The following CNTNAP2 variants were observed in gnomAD, a reference collection of about 807,000 sequenced individuals.
CNTNAP2 encodes contactin associated protein 2, also known as contactin-associated protein-like 2.
Under a neutral mutation model 155.2 loss-of-function variants are expected in CNTNAP2, and 98 were observed. The ratio of observed to expected loss-of-function variants is 0.63; its 90% CI spans 0.54 to 0.75. The LOEUF is 0.75. CNTNAP2 is among the 30% of genes least tolerant of loss of function. CNTNAP2 has a pLI of 0.00. For synonymous variants in CNTNAP2, 651 were observed against 631.2 expected, an observed-to-expected ratio of 1.03 and a Z score of -0.47; for missense variants, 1,727 against 1,688.1, an observed-to-expected ratio of 1.02 and a Z score of -0.40.
At chr7:147,872,333 A>G (rs1370415326) in intron 13 of CNTNAP2, among the ~76,000 whole-genome samples, 2 of 152,266 alleles carry the variant, frequency 1.3e-5, no homozygotes, top group Non-Finnish European at 2.9e-5. Flanking sequence ...GGGAAAATAT[A>G]AGCCTAAAAT....
intron 8 of CNTNAP2, among the ~76,000 whole-genome samples, chr7:147,145,708 T>A (rs1322031827): frequency 1.3e-5 from 2 of 152,214 alleles, no homozygotes; most frequent in Non-Finnish European, 2.9e-5. Flanking sequence ...TTGTTATGGT[T>A]TCCTGTTTTC....
chr7:148,011,795 G>A (rs1802086964), intron 15 of CNTNAP2, among the ~76,000 whole-genome samples: 1 of 152,228 alleles, frequency 6.6e-6, no homozygotes, highest in African/African-American at 2.4e-5. Flanking sequence ...ACTCTCAGGA[G>A]AATAGCTCTT....
chr7:146,763,620 A>C (rs1367053018), intron 1 of CNTNAP2, among the ~76,000 whole-genome samples: 3 of 152,198 alleles, frequency 2.0e-5, no homozygotes, highest in African/African-American at 7.2e-5. Flanking sequence ...AATATATGTT[A>C]ATTGAAGAAC....
At chr7:146,443,139 G>A (rs920772080) in intron 1 of CNTNAP2, among the ~76,000 whole-genome samples, 1 of 151,784 alleles carries the variant, frequency 6.6e-6, no homozygotes, top group Non-Finnish European at 1.5e-5. Flanking sequence ...GCGTGAACTC[G>A]GGAGGCGGAG....
chr7:148,124,399 A>AT lies in CNTNAP2; in HGVS notation c.2554+6117dup, dbSNP rs530491898. Among the ~76,000 whole-genome samples, 18 of 152,178 alleles carry AT rather than the reference A, an allele frequency of 1.2e-4. No individual in the cohort carries two copies. The South Asian group carries it at 3.5e-3, about 30-fold the overall frequency. ...CTAACAACCATGGATCTGTCCATGT[A>AT]TTTTTTCAGTTACCCCTAAGGGATT... On this transcript the variant is annotated intron_variant, in intron 16 of 23. Coordinates refer to ENST00000361727, the MANE Select transcript of CNTNAP2 (RefSeq NM_014141.6).
intron 15 of CNTNAP2, among the ~76,000 whole-genome samples, chr7:147,985,147 T>TAAATAAAA (rs1563157954): frequency 1.6e-5 from 2 of 127,138 alleles, no homozygotes; most frequent in South Asian, 2.3e-4. Flanking sequence ...AATAAATAAA[T>TAAATAAAA]AACTATTTAC....
At position 148,352,111 on chromosome 7, in the gene CNTNAP2, T is replaced by C. The variant is rs528079406; in HGVS notation, c.3476-31538T>C. 3.3e-4 allele frequency among the ~76,000 whole-genome samples: 51 copies of C among 152,320 alleles called. 1 individual carries two copies. The highest frequency in any genetic ancestry group is 3.1e-3 in the Admixed American group (47 of 15,294). ...GGCAGGTCATTCGGGACCATGTAGA[T>C]CATGATAGGATATTGCGTTTTATTC... On this transcript the variant is annotated intron_variant, in intron 21 of 23. Coordinates refer to ENST00000361727, the MANE Select transcript of CNTNAP2 (RefSeq NM_014141.6).
intron 1 of CNTNAP2, among the ~76,000 whole-genome samples, chr7:146,721,617 T>TATTCTATATACATTCTATATAC (rs1801321142): frequency 9.2e-5 from 9 of 97,974 alleles, no homozygotes; most frequent in African/African-American, 3.8e-4. Context: ...TCTATATATA[T>TATTCTATATACATTCTATATAC]ATTCTATATA....
intron 11 of CNTNAP2, among the ~76,000 whole-genome samples, chr7:147,488,431 C>G (rs1528507): frequency 0.62 from 93,534 of 152,048 alleles, 29,053 homozygotes; most frequent in African/African-American, 0.69. Context: ...GTTGCTTATT[C>G]TGTATTCTGT....
intron 1 of CNTNAP2, among the ~76,000 whole-genome samples, chr7:146,430,234 G>A (rs1399376918): frequency 6.7e-6 from 1 of 150,298 alleles, no homozygotes; most frequent in African/African-American, 2.5e-5. Flanking sequence ...ATGTCTTAGT[G>A]CATTAAGAAA....
chr7:147,865,899 G>C lies in CNTNAP2; in HGVS notation c.2099-37666G>C, dbSNP rs564018043. 7.4e-4 allele frequency among the ~76,000 whole-genome samples: 112 copies of C among 152,032 alleles called. 1 individual carries two copies. The South Asian group carries it at 0.022, about 30-fold the overall frequency. ...TCCTGGTTTCATTGATTTTTTGAAG[G>C]GTTTTTTTGTGTCTCTATCTCTTTC... On this transcript the variant is annotated intron_variant, in intron 13 of 23. Transcript: ENST00000361727.
At position 148,268,379 on chromosome 7, in the gene CNTNAP2, C is replaced by T. The variant is rs185020472; in HGVS notation, c.3475+1253C>T. Among the ~76,000 whole-genome samples the T allele has an allele frequency of 1.6e-3, 239 of 152,110 alleles. 1 individual carries two copies. The highest frequency in any genetic ancestry group is 2.9e-3 in the Admixed American group (44 of 15,266). On this transcript the variant is annotated intron_variant, in intron 21 of 23. Transcript: ENST00000361727. ...CCTATAATAAAAATAATAGACTGGGCGTGGCGGCTCATGTCTGTAATCCCA... is the reference window on the plus strand; with the variant it reads ...CCTATAATAAAAATAATAGACTGGGTGTGGCGGCTCATGTCTGTAATCCCA...
At chr7:147,283,415 T>C (rs1404231150) in intron 8 of CNTNAP2, among the ~76,000 whole-genome samples, 1 of 151,852 alleles carries the variant, frequency 6.6e-6, no homozygotes, top group East Asian at 1.9e-4. Flanking sequence ...GTTTCAATAA[T>C]TCATTTTAAC....
At chr7:147,972,069 C>T (rs1801342833) in intron 14 of CNTNAP2, among the ~76,000 whole-genome samples, 1 of 152,150 alleles carries the variant, frequency 6.6e-6, no homozygotes, top group Non-Finnish European at 1.5e-5. Context: ...AGTAGCATCT[C>T]AATGTAGTTT....
At chr7:147,310,850 C>G (rs1397057598) in intron 9 of CNTNAP2, among the ~76,000 whole-genome samples, 1 of 152,120 alleles carries the variant, frequency 6.6e-6, no homozygotes, top group Non-Finnish European at 1.5e-5. Context: ...AGATTGGGCT[C>G]AACTCCAAGT....
chr7:146,528,716 C>T (rs1212599746), intron 1 of CNTNAP2, among the ~76,000 whole-genome samples: 1 of 152,056 alleles, frequency 6.6e-6, no homozygotes, highest in Non-Finnish European at 1.5e-5. Context: ...TGAAATAAGA[C>T]TGGCCACATA....
At chr7:147,752,723 T>C (rs1239325670) in intron 13 of CNTNAP2, among the ~76,000 whole-genome samples, 1 of 152,232 alleles carries the variant, frequency 6.6e-6, no homozygotes, top group East Asian at 1.9e-4. Flanking sequence ...GATCATAGCG[T>C]CATGAGCCAT....
intron 1 of CNTNAP2, among the ~76,000 whole-genome samples, chr7:146,552,236 T>A (rs971665804): frequency 1.3e-5 from 2 of 152,126 alleles, no homozygotes; most frequent in African/African-American, 4.8e-5. Flanking sequence ...CTGAAAAATA[T>A]TATAATAAAG....
At chr7:148,336,171 T>C (rs1213440369) in intron 21 of CNTNAP2, among the ~76,000 whole-genome samples, 2 of 152,234 alleles carry the variant, frequency 1.3e-5, no homozygotes, top group African/African-American at 4.8e-5. Flanking sequence ...TTGTCTTTGA[T>C]TGGTTCTATC....
Sources: gnomAD v4.1 joint callset for allele counts (sites outside exome capture counted in the v4.1 genomes callset) on GRCh38, gnomAD v4.1.1 for gene constraint, MANE v1.5 for transcripts, NCBI Gene and HGNC (gene_info 2026-07-23, HGNC 2026-07-21) for gene names.